Variants in GRB2 observed in about 807,000 individuals in gnomAD.
The protein encoded by GRB2 is growth factor receptor-bound protein 2.
A neutral mutation model predicts 27.4 loss-of-function variants in GRB2; 2 were observed. That is an observed-to-expected ratio of 0.07 (90% CI 0.03 to 0.23). The LOEUF (loss-of-function observed/expected upper bound fraction) is 0.23. Among genes scored for constraint, GRB2 ranks in the 10% least tolerant of loss-of-function variants. GRB2 has a pLI of 1.00. For synonymous variants in GRB2, 94 were observed against 99.6 expected (o/e 0.94, Z 0.33); for missense variants, 102 against 282.4 (o/e 0.36, Z 4.58).
intron 3 of GRB2, among the ~76,000 whole-genome samples, chr17:75,330,337 G>C (rs145637989): frequency 3.3e-5 from 5 of 151,896 alleles, no homozygotes; most frequent in African/African-American, 9.7e-5. Context: ...AGCCGAGATC[G>C]CGCCACAGCA....
At chr17:75,382,984 C>T (rs1246284403) in intron 2 of GRB2, among the ~76,000 whole-genome samples, 1 of 152,194 alleles carries the variant, frequency 6.6e-6, no homozygotes, top group East Asian at 1.9e-4. Flanking sequence ...GCTGGGATTA[C>T]AGGCGTGAGC....
chr17:75,339,511 A>G lies in GRB2; in HGVS notation c.79-6714T>C, dbSNP rs753230896. Among the ~76,000 whole-genome samples the G allele has an allele frequency of 3.3e-5, 5 of 152,060 alleles. No homozygotes were observed. The South Asian group carries it at 1.0e-3, about 32-fold the overall frequency. On this transcript the variant is annotated intron_variant, in intron 2 of 5. Transcript: ENST00000316804. ...TATGTACAAGTCAATGGAAGGGGACATGAAGGAACTCTAGAGGTGCTGTTT... is the reference window on the plus strand; with the variant it reads ...TATGTACAAGTCAATGGAAGGGGACGTGAAGGAACTCTAGAGGTGCTGTTT...
At chr17:75,346,480 A>G (rs2145836923) in intron 2 of GRB2, among the ~76,000 whole-genome samples, 1 of 151,370 alleles carries the variant, frequency 6.6e-6, no homozygotes, top group Admixed American at 6.6e-5. Flanking sequence ...TGGGCAATAG[A>G]GTGAGACTCC....
chr17:75,369,785 G>C (rs946936354), intron 2 of GRB2, among the ~76,000 whole-genome samples: 2 of 151,310 alleles, frequency 1.3e-5, no homozygotes, highest in African/African-American at 4.9e-5. Flanking sequence ...GCTTGAACCA[G>C]AGAGGCAGAG....
rs1598214101 is a variant in GRB2 at position 75,320,315 on chromosome 17, T to C, written c.*53A>G. 1.3e-6 allele frequency: 2 copies of C among 1,490,012 alleles called. No homozygotes were observed. Among genetic ancestry groups the C allele is most frequent in the East Asian group, 4.5e-5 (2 of 44,150 alleles). The allele number at this position is 1,490,012 out of a possible 1,614,324, so 92.3% of individuals were successfully genotyped here. On this transcript the variant is annotated 3_prime_UTR_variant, in exon 6 of 6. Transcript: ENST00000316804. The surrounding 1 kb of genome is among the most constrained non-coding windows in gnomAD (Gnocchi z 4.3). Reference sequence around the variant, plus strand: ...CAGAGGCAGCTTGTGGGTTTAATTCTTTTGTATGTGTTTTACATTTTTCAC... The same window carrying C: ...CAGAGGCAGCTTGTGGGTTTAATTCCTTTGTATGTGTTTTACATTTTTCAC...
chr17:75,377,360 C>T (rs1471552054), intron 2 of GRB2, among the ~76,000 whole-genome samples: 1 of 151,786 alleles, frequency 6.6e-6, no homozygotes, highest in Admixed American at 6.6e-5. Context: ...GTGGTTCATG[C>T]CTGTAATCCC....
chr17:75,332,461 C>T (rs1455206991), intron 3 of GRB2, among the ~76,000 whole-genome samples: 1 of 152,174 alleles, frequency 6.6e-6, no homozygotes, highest in Non-Finnish European at 1.5e-5. Flanking sequence ...CGGACCTGCA[C>T]CAACTATCGT....
At chr17:75,354,684 G>C (rs1012904331) in intron 2 of GRB2, among the ~76,000 whole-genome samples, 1 of 152,122 alleles carries the variant, frequency 6.6e-6, no homozygotes, top group Non-Finnish European at 1.5e-5. Context: ...AGAATTGCTG[G>C]AAGAGCCCAC....
At chr17:75,327,272 G>A (rs189133773) in intron 3 of GRB2, among the ~76,000 whole-genome samples, 27 of 151,676 alleles carry the variant, frequency 1.8e-4, no homozygotes, top group Admixed American at 7.9e-4. Context: ...TAAAGATGGG[G>A]TTTCACCGTG....
At chr17:75,398,374 T>A (rs757424704) in intron 1 of GRB2, among the ~76,000 whole-genome samples, 1 of 151,756 alleles carries the variant, frequency 6.6e-6, no homozygotes, top group Non-Finnish European at 1.5e-5. Context: ...GCTCAAGGGA[T>A]CCTCTCACCT....
chr17:75,391,143 T>C (rs1180767954), intron 2 of GRB2, among the ~76,000 whole-genome samples: 1 of 152,172 alleles, frequency 6.6e-6, no homozygotes, highest in Non-Finnish European at 1.5e-5. Flanking sequence ...ACTCTTTTTT[T>C]TTTCTTTTGG....
At chr17:75,365,408 T>C (rs1217800573) in intron 2 of GRB2, among the ~76,000 whole-genome samples, 1 of 152,236 alleles carries the variant, frequency 6.6e-6, no homozygotes, top group Non-Finnish European at 1.5e-5. Flanking sequence ...TGAATTCTAC[T>C]TTGCTATAAA....
intron 2 of GRB2, among the ~76,000 whole-genome samples, chr17:75,375,676 G>GT (rs1162139928): frequency 6.6e-6 from 1 of 152,094 alleles, no homozygotes; most frequent in Admixed American, 6.5e-5. Flanking sequence ...GAGGCTAGGA[G>GT]TTTGAGACCA....
In GRB2 at chr17:75,320,134, CA is replaced by C. The variant is rs775680118; in HGVS notation, c.*233del. ...GACAAAGGAGGGGAAAGAGGAGCAG[CA>C]GTGAAAATTTGTAATAAAAACTCTT... is the stretch of plus-strand genomic sequence containing the variant. On this transcript the variant is annotated 3_prime_UTR_variant, in exon 6 of 6. Transcript: ENST00000316804. The surrounding 1 kb of genome is among the most constrained non-coding windows in gnomAD (Gnocchi z 4.3). The C allele has an allele frequency of 2.5e-4, 115 of 455,886 alleles. No individual in the cohort carries two copies. Among genetic ancestry groups the C allele is most frequent in the Non-Finnish European group, 4.2e-4 (105 of 250,318 alleles). 28.2% of individuals were successfully genotyped at this position (455,886 alleles called of 1,614,324 possible).
chr17:75,397,314 T>G (rs946197849), intron 1 of GRB2, among the ~76,000 whole-genome samples: 2 of 152,180 alleles, frequency 1.3e-5, no homozygotes, highest in Admixed American at 1.3e-4. Context: ...AGACACAATG[T>G]ATAATGATTT....
rs1478842781 is a variant in GRB2 at position 75,319,643 on chromosome 17, T to C, written c.*725A>G. The C allele has an allele frequency of 2.0e-5, 3 of 152,226 alleles. No individual in the cohort carries two copies. Among genetic ancestry groups the C allele is most frequent in the Admixed American group, 6.6e-5 (1 of 15,254 alleles). The allele number at this position is 152,226 out of a possible 1,614,324, so 9.4% of individuals were successfully genotyped here. On this transcript the variant is annotated 3_prime_UTR_variant, in exon 6 of 6. Transcript: ENST00000316804. ...TTTTAGTAGAGACGGGGTTTCACCATGTTGGCTAGGTTGGTCTCGAACTCC... is the reference window on the plus strand; with the variant it reads ...TTTTAGTAGAGACGGGGTTTCACCACGTTGGCTAGGTTGGTCTCGAACTCC...
intron 1 of GRB2, among the ~76,000 whole-genome samples, chr17:75,400,093 G>T (rs1339156104): frequency 1.3e-5 from 2 of 151,756 alleles, no homozygotes; most frequent in African/African-American, 4.8e-5. Flanking sequence ...GACCTCCCAG[G>T]CTCAGGCCAT....
intron 4 of GRB2, among the ~76,000 whole-genome samples, chr17:75,324,267 T>C (rs1221679669): frequency 6.6e-6 from 1 of 151,226 alleles, no homozygotes; most frequent in Non-Finnish European, 1.5e-5. Context: ...TGGCACGATC[T>C]TGGCTCATCT....
At position 75,359,162 on chromosome 17, in the gene GRB2, CAAAAAAAA is replaced by C. The variant is rs3082676; in HGVS notation, c.79-26373_79-26366del. 9.3e-5 allele frequency among the ~76,000 whole-genome samples: 6 copies of C among 64,716 alleles called. No homozygotes were observed. The South Asian group carries it at 3.5e-3, about 37-fold the overall frequency. The allele number at this position is 64,716 out of a possible 152,430, so 42.5% of individuals were successfully genotyped here. A position where few individuals can be genotyped will look rare whatever the true frequency, so the allele number is the denominator to read the frequency against. On this transcript the variant is annotated intron_variant, in intron 2 of 5. Coordinates refer to ENST00000316804, the MANE Select transcript of GRB2 (RefSeq NM_002086.5). ...CCCAGGAGGGTTTGAGACTACATCT[CAAAAAAAA>C]AAAAAAAAAAAAAAAAGAGGAATAA...
Sources: allele counts gnomAD v4.1 joint callset (sites outside exome capture counted in the v4.1 genomes callset), GRCh38; gene constraint gnomAD v4.1.1; non-coding constraint Gnocchi (gnomAD v3.1); transcripts MANE v1.5; gene names NCBI Gene and HGNC (gene_info 2026-07-23, HGNC 2026-07-21).